The following ZNF69 variants were observed in gnomAD, a reference collection of about 807,000 sequenced individuals.
ZNF69 encodes zinc finger protein 69, also known as ZNF3.
A neutral mutation model predicts 50.9 loss-of-function variants in ZNF69; 47 were observed. The ratio of observed to expected loss-of-function variants is 0.92; its 90% CI spans 0.73 to 1.18. The LOEUF is 1.18. Ranked by LOEUF, ZNF69 falls within the 50% of genes most tolerant of loss-of-function variation. ZNF69 has a pLI of 0.00. For missense variants in ZNF69, 717 were observed against 675.1 expected (o/e 1.06, Z -0.69); for synonymous variants, 216 against 223.1 (o/e 0.97, Z 0.29).
the ZNF69 span, among the ~76,000 whole-genome samples, chr19:11,955,396 CTTT>C: frequency 8.3e-5 from 11 of 132,230 alleles, no homozygotes; most frequent in Admixed American, 1.5e-4. Flanking sequence ...TTCTTTCTTT[CTTT>C]TTTTTTTTTT....
chr19:11,963,371 A>G, the ZNF69 span, among the ~76,000 whole-genome samples: 1 of 152,186 alleles, frequency 6.6e-6, no homozygotes, highest in Non-Finnish European at 1.5e-5. Flanking sequence ...TTGGGATTAC[A>G]GGCGTGAGCC....
At chr19:11,949,254 G>C in the ZNF69 span, 1 of 1,613,902 alleles carries the variant, frequency 6.2e-7, no homozygotes, top group Non-Finnish European at 8.5e-7. Context: ...ATCATGAAAG[G>C]ATTCACACTG....
At chr19:11,950,115 A>C in the ZNF69 span, 1 of 1,614,112 alleles carries the variant, frequency 6.2e-7, no homozygotes, top group Non-Finnish European at 8.5e-7. Context: ...ATGCAAGAAC[A>C]CACATTGGAG....
At chr19:11,932,386 A>G in the ZNF69 span, among the ~76,000 whole-genome samples, 2 of 148,286 alleles carry the variant, frequency 1.3e-5, no homozygotes, top group African/African-American at 2.6e-5. Flanking sequence ...TCAATATGCT[A>G]TGCTGTTGTT....
At chr19:11,894,156 A>G (rs918143002) in intron 1 of ZNF69, among the ~76,000 whole-genome samples, 1 of 152,104 alleles carries the variant, frequency 6.6e-6, no homozygotes, top group Non-Finnish European at 1.5e-5. Context: ...TCCTCCTTTC[A>G]TCTATCCTAA....
chr19:11,947,396 A>G, the ZNF69 span: 18 of 1,605,102 alleles, frequency 1.1e-5, no homozygotes, highest in Non-Finnish European at 1.5e-5. Context: ...GAACATAGAC[A>G]GGAAATACCT....
At chr19:11,927,534 C>T in the ZNF69 span, among the ~76,000 whole-genome samples, 5 of 152,052 alleles carry the variant, frequency 3.3e-5, no homozygotes, top group Admixed American at 1.3e-4. Flanking sequence ...AGTGGAGGAA[C>T]GTACTGTCTT....
Position 11,906,085 on chromosome 19 carries a change from AGT to A in ZNF69, c.1691_1692del (p.Cys564Ter). 1 of 1,611,348 alleles carries A rather than the reference AGT, an allele frequency of 6.2e-7. No homozygotes were observed. The highest frequency in any genetic ancestry group is 8.5e-7 in the Non-Finnish European group (1 of 1,179,140). ...ACTCACCCTGAAGATAAACCCTATG[AGT>A]GTAAGCAATGAGGGAAAGCCTTCAG... On this transcript the variant is annotated frameshift_variant, in exon 4 of 4. Coordinates refer to ENST00000429654, the MANE Select transcript of ZNF69 (RefSeq NM_001364730.1). LOFTEE classifies it high-confidence loss of function.
At chr19:11,933,323 A>C in the ZNF69 span, among the ~76,000 whole-genome samples, 9 of 148,398 alleles carry the variant, frequency 6.1e-5, no homozygotes, top group Non-Finnish European at 1.2e-4. Flanking sequence ...AATTGATGCA[A>C]GAATATATTA....
the ZNF69 span, chr19:11,979,345 A>G: frequency 1.2e-6 from 2 of 1,609,400 alleles, no homozygotes; most frequent in Non-Finnish European, 1.7e-6. Context: ...GACTCACTGG[A>G]GAGAAACCCT....
chr19:11,974,330 G>C, the ZNF69 span, among the ~76,000 whole-genome samples: 30 of 151,116 alleles, frequency 2.0e-4, no homozygotes, highest in East Asian at 5.9e-3. Flanking sequence ...CCAAGTAGCT[G>C]GGATTACAGG....
chr19:11,956,436 C>A, the ZNF69 span: 1 of 395,824 alleles, frequency 2.5e-6, no homozygotes, highest in Non-Finnish European at 4.4e-6. Flanking sequence ...TCCTTCCAGC[C>A]TATAATAAAC....
At chr19:11,912,075 T>G (rs777856010) in intron 4 of ZNF69, among the ~76,000 whole-genome samples, 1 of 151,434 alleles carries the variant, frequency 6.6e-6, no homozygotes, top group Non-Finnish European at 1.5e-5. Context: ...CTCACACCTT[T>G]GAAAACATGG....
the ZNF69 span, among the ~76,000 whole-genome samples, chr19:11,929,015 ATAGG>A: frequency 6.7e-6 from 1 of 148,344 alleles, no homozygotes; most frequent in African/African-American, 2.6e-5. Flanking sequence ...ACAAAACGCT[ATAGG>A]TAGGAAAGAA....
downstream of ZNF69, among the ~76,000 whole-genome samples, chr19:11,916,383 GGC>G (rs1972522082): frequency 2.0e-5 from 3 of 152,204 alleles, no homozygotes; most frequent in African/African-American, 7.2e-5. Context: ...GGGAGGCTGA[GGC>G]AGGCAGATCA....
downstream of ZNF69, among the ~76,000 whole-genome samples, chr19:11,915,737 C>G (rs1045258310): frequency 2.0e-5 from 3 of 151,946 alleles, no homozygotes; most frequent in African/African-American, 7.3e-5. Context: ...AACTCCATCT[C>G]TACTAAAAAT....
At position 11,906,233 on chromosome 19, in the gene ZNF69, C is replaced by T; in HGVS notation, c.*135C>T. The stretch of plus-strand genomic sequence containing the variant: ...CTTCGAATTCAGTAAAGGACACAAG[C>T]ACACATAAGAATGCATTCTGGATAG... On this transcript the variant is annotated 3_prime_UTR_variant, in exon 4 of 4. Transcript: ENST00000429654. The T allele has an allele frequency of 6.6e-7, 1 of 1,516,480 alleles. No individual in the cohort carries two copies. Among genetic ancestry groups the T allele is most frequent in the South Asian group, 1.4e-5 (1 of 72,342 alleles). The allele number at this position is 1,516,480 out of a possible 1,614,324, so 93.9% of individuals were successfully genotyped here.
the ZNF69 span, chr19:11,925,067 C>T: frequency 8.4e-6 from 7 of 836,674 alleles, no homozygotes; most frequent in African/African-American, 5.2e-5. Context: ...TGGGGCGTGG[C>T]ACTGCCCACA....
chr19:11,903,346 G>A (rs567450133), intron 1 of ZNF69, among the ~76,000 whole-genome samples: 6 of 152,062 alleles, frequency 3.9e-5, no homozygotes, highest in Admixed American at 1.3e-4. Context: ...GTAGAACCCC[G>A]GCAGTGAGCC....
Sources: allele counts gnomAD v4.1 joint callset (sites outside exome capture counted in the v4.1 genomes callset), GRCh38; gene constraint gnomAD v4.1.1; transcripts MANE v1.5; gene names NCBI Gene and HGNC (gene_info 2026-07-23, HGNC 2026-07-21).